The following ZNF677 variants were observed in gnomAD, a reference collection of about 807,000 sequenced individuals.
ZNF677 encodes zinc finger protein 677, also known as hypothetical protein MGC48625.
ZNF677 carries 5 observed loss-of-function variants against 8.1 expected under a neutral mutation model. The ratio of observed to expected loss-of-function variants is 0.62; its 90% CI spans 0.32 to 1.29. The LOEUF (loss-of-function observed/expected upper bound fraction) is 1.29. Among genes scored for constraint, ZNF677 ranks in the 50% most tolerant of loss-of-function variants. The pLI, the probability that ZNF677 is intolerant of heterozygous loss-of-function variation, is 0.05. For synonymous variants in ZNF677, 221 were observed against 225.6 expected, an observed-to-expected ratio of 0.98 and a Z score of 0.18; for missense variants, 685 against 685.9, an observed-to-expected ratio of 1.00 and a Z score of 0.01.
At position 53,253,415 on chromosome 19, in the gene ZNF677, G is replaced by A. The variant is rs111995184; in HGVS notation, c.-126-259C>T. Among the ~76,000 whole-genome samples the A allele has an allele frequency of 3.6e-3, 554 of 152,330 alleles. 8 individuals carry two copies. Among genetic ancestry groups the A allele is most frequent in the African/African-American group, 0.012 (517 of 41,548 alleles). On this transcript the variant is annotated intron_variant, in intron 1 of 4. Coordinates refer to ENST00000598513, the MANE Select transcript of ZNF677 (RefSeq NM_182609.4). ...TAAAAAGTAGAAAGCATTTAGGCCA[G>A]GCGCGGTGGCTCACGCCTGTAATCC... is the stretch of plus-strand genomic sequence containing the variant.
intron 3 of ZNF677, among the ~76,000 whole-genome samples, chr19:53,248,235 A>G (rs948689487): frequency 1.3e-5 from 2 of 152,212 alleles, no homozygotes; most frequent in African/African-American, 4.8e-5. Context: ...CTGTTTCTAT[A>G]TAGCTCTGGC....
At chr19:53,243,191 T>C (rs926152915) in intron 4 of ZNF677, 1 of 153,700 alleles carries the variant, frequency 6.5e-6, no homozygotes, top group African/African-American at 2.4e-5. Context: ...TCACTTTCCA[T>C]AGTCTAGGAC....
rs915949880 is a variant in ZNF677 at position 53,235,411 on chromosome 19, C to G, written c.*1561G>C. On this transcript the variant is annotated 3_prime_UTR_variant, in exon 5 of 5. Transcript: ENST00000598513. ...GGTTACTAAAAATGATTATATTTTA[C>G]TAATTAAGACATAAGAAGTATAATA... 2 of 152,066 alleles carry G rather than the reference C, an allele frequency of 1.3e-5. No homozygotes were observed. Among genetic ancestry groups the G allele is most frequent in the African/African-American group, 4.8e-5 (2 of 41,402 alleles). 9.4% of individuals were successfully genotyped at this position (152,066 alleles called of 1,614,324 possible).
At chr19:53,242,171 A>T (rs1429061710) in intron 4 of ZNF677, 3 of 396,726 alleles carry the variant, frequency 7.6e-6, no homozygotes, top group Non-Finnish European at 1.3e-5. Flanking sequence ...ACCTCAGGTG[A>T]TCTGCCCACC....
chr19:53,250,432 G>A (rs2091216543), intron 3 of ZNF677, among the ~76,000 whole-genome samples: 1 of 152,134 alleles, frequency 6.6e-6, no homozygotes, highest in Non-Finnish European at 1.5e-5. Flanking sequence ...CAACCTAAAT[G>A]CCCACCAATG....
chr19:53,243,945 T>A (rs772256142), intron 3 of ZNF677, 48 bp from the exon 4 acceptor site: 1 of 1,522,494 alleles, frequency 6.6e-7, no homozygotes, highest in South Asian at 1.3e-5. Context: ...AAATTTCTTA[T>A]TTTCACACAA....
intron 3 of ZNF677, among the ~76,000 whole-genome samples, chr19:53,249,882 A>T (rs958405221): frequency 8.6e-5 from 13 of 152,008 alleles, no homozygotes; most frequent in South Asian, 4.1e-4. Flanking sequence ...TATTATTATT[A>T]TTTTTTTGAG....
intron 3 of ZNF677, among the ~76,000 whole-genome samples, chr19:53,244,486 C>T (rs577658482): frequency 4.7e-4 from 72 of 152,312 alleles, no homozygotes; most frequent in Admixed American, 9.8e-4. Context: ...AAAAGAAATG[C>T]CGTACCCATT....
Position 53,238,666 on chromosome 19 carries a change from T to C in ZNF677, c.170-109A>G, listed in dbSNP as rs982634292. On this transcript the variant is annotated intron_variant, in intron 4 of 4. Coordinates refer to ENST00000598513, the MANE Select transcript of ZNF677 (RefSeq NM_182609.4). ...AGCTAAGATTTACAATGAACAGAGTTATGAAGCTTCTCAACTGTCTTTAAA... is the reference window on the plus strand; with the variant it reads ...AGCTAAGATTTACAATGAACAGAGTCATGAAGCTTCTCAACTGTCTTTAAA... 6.5e-6 allele frequency: 7 copies of C among 1,071,162 alleles called. No homozygotes were observed. In the African/African-American group the frequency reaches 8.0e-5, roughly 12 times the overall value. The allele number at this position is 1,071,162 out of a possible 1,614,324, so 66.4% of individuals were successfully genotyped here.
At chr19:53,244,010 A>G in intron 3 of ZNF677, 113 bp from the exon 4 acceptor site, 1 of 906,146 alleles carries the variant, frequency 1.1e-6, no homozygotes, top group South Asian at 1.8e-5. Context: ...AATGCAAGCA[A>G]CTTATATATC....
intron 3 of ZNF677, 81 bp from the exon 4 acceptor site, chr19:53,243,978 T>C: frequency 7.4e-7 from 1 of 1,351,574 alleles, no homozygotes; most frequent in Non-Finnish European, 1.0e-6. Flanking sequence ...GAGGTGTACA[T>C]ATTCACTGAT....
intron 2 of ZNF677, among the ~76,000 whole-genome samples, chr19:53,252,803 G>A (rs1435295157): frequency 2.0e-5 from 3 of 152,080 alleles, no homozygotes; most frequent in Non-Finnish European, 4.4e-5. Context: ...ATGACATAAG[G>A]GAGTAAAGAA....
intron 3 of ZNF677, among the ~76,000 whole-genome samples, chr19:53,247,950 A>G (rs2091172989): frequency 6.6e-6 from 1 of 152,222 alleles, no homozygotes; most frequent in Non-Finnish European, 1.5e-5. Context: ...TTAAAGGAGA[A>G]TTTAATCCAC....
chr19:53,241,247 G>A (rs2091045035), intron 4 of ZNF677: 2 of 152,158 alleles, frequency 1.3e-5, no homozygotes, highest in Admixed American at 6.5e-5. Context: ...CCCACACACT[G>A]TAGATATAAA....
chr19:53,237,937 T>C lies in ZNF677; in HGVS notation c.790A>G (p.Lys264Glu), dbSNP rs2090991906. Residue 264 changes from lysine to glutamate, a missense_variant, in exon 5 of 5, where the codon AAG becomes GAG. Lys to Glu is a moderately conservative substitution (Grantham distance 56). Coordinates refer to ENST00000598513, the MANE Select transcript of ZNF677 (RefSeq NM_182609.4). ...AAAGCCTTTCCACAGTCATTACACT[T>C]GTATGATTTTTCTCTAATGTGTGTT... Reference protein sequence around the residue: ...GRTHIREKSYKCNDCGKAFSK... With the variant: ...GRTHIREKSYECNDCGKAFSK... The C allele has an allele frequency of 6.2e-7, 1 of 1,612,080 alleles. No individual in the cohort carries two copies.
At chr19:53,253,454 G>C (rs1299408527) in intron 1 of ZNF677, among the ~76,000 whole-genome samples, 1 of 151,882 alleles carries the variant, frequency 6.6e-6, no homozygotes. Flanking sequence ...TGCTTTGAGA[G>C]GCGGAGACAG....
chr19:53,243,787 C>A lies in ZNF677; in HGVS notation c.126G>T (p.Arg42Ser). ...LYRDVMLENYRNLLSLDEDNI... is the reference protein window; with the variant it reads ...LYRDVMLENYSNLLSLDEDNI... ...TATCCTCATCGAGAGAAAGCAGGTT[C>A]CTGTAGTTCTCCAACATCACGTCCC... The change falls in exon 4 of 5, where the codon AGG (arginine) becomes AGT (serine). Residue 42 changes from arginine to serine, a missense_variant. Physicochemically the swap from Arg to Ser is moderately radical, Grantham distance 110. Coordinates refer to ENST00000598513, the MANE Select transcript of ZNF677 (RefSeq NM_182609.4). 6.2e-7 allele frequency: 1 copy of A among 1,614,166 alleles called. No homozygotes were observed. Among genetic ancestry groups the A allele is most frequent in the Non-Finnish European group, 8.5e-7 (1 of 1,180,034 alleles).
At chr19:53,247,193 G>A (rs2091157848) in intron 3 of ZNF677, among the ~76,000 whole-genome samples, 2 of 152,130 alleles carry the variant, frequency 1.3e-5, no homozygotes, top group South Asian at 4.1e-4. Context: ...GGTCCATCCT[G>A]GAGAATATGC....
chr19:53,252,610 A>C (rs1331589055), intron 2 of ZNF677, among the ~76,000 whole-genome samples: 1 of 152,184 alleles, frequency 6.6e-6, no homozygotes, highest in Middle Eastern at 3.2e-3. Flanking sequence ...ACAAATAGCT[A>C]TTACTCTTGG....
Sources: allele counts gnomAD v4.1 joint callset (sites outside exome capture counted in the v4.1 genomes callset), GRCh38; gene constraint gnomAD v4.1.1; transcripts MANE v1.5; gene names NCBI Gene and HGNC (gene_info 2026-07-23, HGNC 2026-07-21).